The following ARHGAP5 variants were observed in gnomAD, a reference collection of about 807,000 sequenced individuals.
The protein encoded by ARHGAP5 is rho GTPase-activating protein 5.
ARHGAP5 carries 23 observed loss-of-function variants against 116.6 expected under a neutral mutation model. The observed-to-expected ratio is 0.20, with a 90% CI of 0.14 to 0.28. ARHGAP5 has a LOEUF of 0.28. ARHGAP5 is among the 10% of genes least tolerant of loss of function. The pLI, the probability that ARHGAP5 is intolerant of heterozygous loss-of-function variation, is 1.00. For missense variants in ARHGAP5, 1,405 were observed against 1,774.8 expected, an observed-to-expected ratio of 0.79 and a Z score of 3.74; for synonymous variants, 574 against 602.0, an observed-to-expected ratio of 0.95 and a Z score of 0.68.
Position 32,155,206 on chromosome 14 carries a change from T to G in ARHGAP5, c.*258T>G. On this transcript the variant is annotated 3_prime_UTR_variant, in exon 7 of 7. Transcript: ENST00000345122. The stretch of plus-strand genomic sequence containing the variant: ...AAAGCTGCTGCTGCATGCAACCTTA[T>G]TGCAATCAGTATATCATTCCTGTGG... The G allele has an allele frequency of 2.6e-6, 1 of 379,408 alleles. No homozygotes were observed. The allele number at this position is 379,408 out of a possible 1,614,324, so 23.5% of individuals were successfully genotyped here. A position where few individuals can be genotyped will look rare whatever the true frequency, so the allele number is the denominator to read the frequency against.
chr14:32,137,597 G>A (rs1395417994), intron 3 of ARHGAP5, among the ~76,000 whole-genome samples: 1 of 151,950 alleles, frequency 6.6e-6, no homozygotes, highest in African/African-American at 2.4e-5. Context: ...TTCCATTTCT[G>A]CAAAAACAGC....
At position 32,088,071 on chromosome 14, in the gene ARHGAP5, T is replaced by C. The variant is rs560119296; in HGVS notation, c.-168-2431T>C. Among the ~76,000 whole-genome samples, 26 of 152,106 alleles carry C rather than the reference T, an allele frequency of 1.7e-4. No homozygotes were observed. The South Asian group carries it at 5.0e-3, about 29-fold the overall frequency. On this transcript the variant is annotated intron_variant, in intron 1 of 6. Transcript: ENST00000345122. ...TCTATCTTAACATATAGAGTATATC[T>C]CAGTATTTTGGGGTTTATGCTATTG...
intron 3 of ARHGAP5, among the ~76,000 whole-genome samples, chr14:32,135,380 C>T (rs142165948): frequency 4.8e-4 from 73 of 152,314 alleles, no homozygotes; most frequent in African/African-American, 1.6e-3. Flanking sequence ...TATGTCTAGA[C>T]TCACCTGGTC....
chr14:32,101,844 G>T (rs780583732), intron 2 of ARHGAP5, among the ~76,000 whole-genome samples: 1 of 152,078 alleles, frequency 6.6e-6, no homozygotes, highest in Admixed American at 6.6e-5. Flanking sequence ...TTAGCCAGGC[G>T]TGGTGGTGTG....
rs748665095 is a variant in ARHGAP5 at position 32,154,814 on chromosome 14, A to G, written c.4375A>G (p.Asn1459Asp). ...FYNGEIVETT[N>D]IVAPPPPSNP... The stretch of plus-strand genomic sequence containing the variant: ...CAATGGAGAAATTGTAGAAACGACA[A>G]ACATTGTGGCTCCTCCACCACCTTC... Residue 1459 changes from asparagine to aspartate, a missense_variant, in exon 7 of 7, where the codon AAC becomes GAC. Physicochemically the swap from Asn to Asp is conservative, Grantham distance 23 (BLOSUM62 1). Coordinates refer to ENST00000345122, the MANE Select transcript of ARHGAP5 (RefSeq NM_001030055.2). The G allele has an allele frequency of 5.0e-6, 8 of 1,614,048 alleles. No homozygotes were observed. The South Asian group carries it at 8.8e-5, about 18-fold the overall frequency.
At position 32,091,793 on chromosome 14, in the gene ARHGAP5, A is replaced by C. The variant is rs1412005951; in HGVS notation, c.1124A>C (p.Gln375Pro). The change falls in exon 2 of 7, where the codon CAG becomes CCG. Residue 375 changes from glutamine (Q) to proline (P), a missense_variant. By Grantham distance (76) the Gln-to-Pro change is moderately conservative (BLOSUM62 -1). Coordinates refer to ENST00000345122, the MANE Select transcript of ARHGAP5 (RefSeq NM_001030055.2). ...TTAATGGAAAAGAGAGCAGATTTCCAGTTATGTTTTGTGGTGCTAGAAAAA... is the reference window on the plus strand; with the variant it reads ...TTAATGGAAAAGAGAGCAGATTTCCCGTTATGTTTTGTGGTGCTAGAAAAA... ...LKLMEKRADF[Q>P]LCFVVLEKTP... The C allele has an allele frequency of 6.2e-7, 1 of 1,613,688 alleles. No homozygotes were observed. The highest frequency in any genetic ancestry group is 8.5e-7 in the Non-Finnish European group (1 of 1,179,660).
intron 1 of ARHGAP5, among the ~76,000 whole-genome samples, chr14:32,086,511 G>C (rs1251755351): frequency 6.6e-6 from 1 of 150,538 alleles, no homozygotes; most frequent in Non-Finnish European, 1.5e-5. Flanking sequence ...AGTAAAAGTA[G>C]AAAAAACTGA....
intron 2 of ARHGAP5, among the ~76,000 whole-genome samples, chr14:32,100,168 A>G (rs776369682): frequency 2.6e-5 from 4 of 152,240 alleles, no homozygotes; most frequent in Non-Finnish European, 5.9e-5. Context: ...ATACTCAGGA[A>G]AGAAACTACC....
chr14:32,159,222 G>A lies in ARHGAP5; in HGVS notation c.*4274G>A, dbSNP rs1240813469. 1 of 152,118 alleles carries A rather than the reference G, an allele frequency of 6.6e-6. No homozygotes were observed. Among genetic ancestry groups the A allele is most frequent in the African/African-American group, 2.4e-5 (1 of 41,428 alleles). 9.4% of individuals were successfully genotyped at this position (152,118 alleles called of 1,614,324 possible). On this transcript the variant is annotated 3_prime_UTR_variant, in exon 7 of 7. Transcript: ENST00000345122. The stretch of plus-strand genomic sequence containing the variant: ...TAGTCATTTTTACCAGTAGTTAGTA[G>A]TATTAAGACCTGCAGTATATGCACT...
intron 2 of ARHGAP5, among the ~76,000 whole-genome samples, chr14:32,105,428 A>G (rs1427263454): frequency 6.6e-6 from 1 of 152,114 alleles, no homozygotes; most frequent in Non-Finnish European, 1.5e-5. Context: ...TACCTTTTTT[A>G]AAGAAATAAA....
chr14:32,138,217 T>G (rs894559130), intron 3 of ARHGAP5, among the ~76,000 whole-genome samples: 5 of 152,086 alleles, frequency 3.3e-5, no homozygotes, highest in Non-Finnish European at 7.3e-5. Context: ...CTAACTTTTA[T>G]GTGTTGATCT....
At chr14:32,142,655 A>C (rs1330621183) in intron 3 of ARHGAP5, among the ~76,000 whole-genome samples, 1 of 152,226 alleles carries the variant, frequency 6.6e-6, no homozygotes, top group Non-Finnish European at 1.5e-5. Flanking sequence ...CAGTTCTTTC[A>C]GAATAAGGTT....
chr14:32,145,687 G>A (rs1881343356), intron 3 of ARHGAP5, among the ~76,000 whole-genome samples: 1 of 151,994 alleles, frequency 6.6e-6, no homozygotes, highest in South Asian at 2.1e-4. Flanking sequence ...ACTTATGTTT[G>A]GTTTTTTTAC....
intron 3 of ARHGAP5, among the ~76,000 whole-genome samples, chr14:32,128,251 C>T (rs1880288965): frequency 6.7e-6 from 1 of 149,878 alleles, no homozygotes; most frequent in Admixed American, 6.6e-5. Flanking sequence ...GGTGGCCAGG[C>T]AGACGCTCCT....
chr14:32,087,215 G>GA (rs954210375), intron 1 of ARHGAP5, among the ~76,000 whole-genome samples: 12 of 148,706 alleles, frequency 8.1e-5, no homozygotes, highest in Non-Finnish European at 1.0e-4. Context: ...TCTTAGCACT[G>GA]AAAAAAAAAA....
chr14:32,153,905 AAGG>A (rs1182068051), intron 6 of ARHGAP5: 4 of 152,090 alleles, frequency 2.6e-5, no homozygotes, highest in Non-Finnish European at 5.9e-5. Context: ...AAAAGGAAGA[AAGG>A]AGAGAGAAAG....
At chr14:32,148,875 T>G (rs1276621595) in intron 4 of ARHGAP5, among the ~76,000 whole-genome samples, 1 of 152,190 alleles carries the variant, frequency 6.6e-6, no homozygotes, top group Non-Finnish European at 1.5e-5. Context: ...ATGATACACC[T>G]TTAGTATGTT....
chr14:32,112,495 A>C (rs1315943448), intron 2 of ARHGAP5, among the ~76,000 whole-genome samples: 1 of 152,224 alleles, frequency 6.6e-6, no homozygotes, highest in Non-Finnish European at 1.5e-5. Context: ...TGCAGATAAG[A>C]AATTCACTTA....
intron 4 of ARHGAP5, 50 bp downstream of exon 4, chr14:32,146,390 G>C: frequency 7.5e-7 from 1 of 1,335,120 alleles, no homozygotes; most frequent in Non-Finnish European, 1.1e-6. Context: ...TGTTTTCCTT[G>C]TTAGAATTCA....
Sources: gnomAD v4.1 joint callset for allele counts (sites outside exome capture counted in the v4.1 genomes callset) on GRCh38, gnomAD v4.1.1 for gene constraint, MANE v1.5 for transcripts, NCBI Gene and HGNC (gene_info 2026-07-23, HGNC 2026-07-21) for gene names.